The following URM1 variants were observed in gnomAD, a reference collection of about 807,000 sequenced individuals.
URM1 encodes ubiquitin related modifier 1.
A neutral mutation model predicts 17.7 loss-of-function variants in URM1; 11 were observed. The ratio of observed to expected loss-of-function variants is 0.62; its 90% confidence interval spans 0.39 to 1.03. The LOEUF is 1.03. URM1 is among the 50% of genes least tolerant of loss of function. The pLI, the probability that URM1 is intolerant of heterozygous loss-of-function variation, is 0.00. For missense variants in URM1, 128 were observed against 129.2 expected (o/e 0.99, Z 0.04); for synonymous variants, 48 against 50.6 (o/e 0.95, Z 0.22).
At chr9:128,380,634 C>T (rs1427434733) in intron 2 of URM1, among the ~76,000 whole-genome samples, 7 of 147,600 alleles carry the variant, frequency 4.7e-5, no homozygotes, top group Non-Finnish European at 7.5e-5. Context: ...TTTTTTTTTT[C>T]TTTTCTTTTT....
At chr9:128,371,486 C>T in intron 1 of URM1, 71 bp downstream of exon 1, 4 of 1,528,644 alleles carry the variant, frequency 2.6e-6, no homozygotes, top group South Asian at 1.2e-5. Flanking sequence ...TTCCTTCTGC[C>T]GTGGGGCCTG....
chr9:128,388,331 C>G, intron 3 of URM1: 3 of 1,001,988 alleles, frequency 3.0e-6, no homozygotes, highest in Non-Finnish European at 3.6e-6. Context: ...CAGCACGGGT[C>G]TAGAATTCCA....
chr9:128,388,225 A>G (rs1410988621), intron 3 of URM1: 1 of 1,161,238 alleles, frequency 8.6e-7, no homozygotes, highest in Admixed American at 4.2e-5. Context: ...AGTGCTGAGG[A>G]AAAAACGTAG....
chr9:128,391,160 A>T lies in URM1; in HGVS notation c.*1426A>T, dbSNP rs1833308766. On this transcript the variant is annotated 3_prime_UTR_variant, in exon 5 of 5. Transcript: ENST00000372853. ...GTGCTAACATCCCACCAAAAGCATC[A>T]TCCCACCCAAAATGTTGCTTTTCAT... 6.6e-6 allele frequency: 1 copy of T among 152,264 alleles called. No homozygotes were observed. 9.4% of individuals were successfully genotyped at this position (152,264 alleles called of 1,614,324 possible). A position where few individuals can be genotyped will look rare whatever the true frequency, so the allele number is the denominator to read the frequency against.
intron 2 of URM1, among the ~76,000 whole-genome samples, chr9:128,380,818 T>G (rs1234821374): frequency 2.0e-5 from 3 of 151,684 alleles, no homozygotes; most frequent in East Asian, 3.9e-4. Context: ...GTATGTTTTT[T>G]TTTGTTTGTT....
At chr9:128,388,356 C>T (rs975844787) in intron 3 of URM1, 1 of 996,340 alleles carries the variant, frequency 1.0e-6, no homozygotes, top group Non-Finnish European at 1.2e-6. Context: ...GTCATTGACT[C>T]TGTGCGTGCA....
rs78533174 is a variant in URM1 at position 128,389,539 on chromosome 9, A to G, written c.238-127A>G. 783 of 1,547,978 alleles carry G rather than the reference A, an allele frequency of 5.1e-4. 4 individuals are homozygous for G. In the African/African-American group the frequency reaches 9.9e-3, roughly 20 times the overall value. ...AGATTTGCAGGTTGAGGTATAGGAT[A>G]CCCATTTTTCTGGTAGAGTCTGTCT... On this transcript the variant is annotated intron_variant, in intron 4 of 4. Transcript: ENST00000372853.
At chr9:128,388,253 C>A in intron 3 of URM1, 1 of 1,105,034 alleles carries the variant, frequency 9.0e-7, no homozygotes, top group South Asian at 3.1e-5. Context: ...AACTGAAGAG[C>A]TAAATATTCT....
chr9:128,381,936 C>A (rs1395487959), intron 2 of URM1, among the ~76,000 whole-genome samples: 1 of 152,148 alleles, frequency 6.6e-6, no homozygotes, highest in East Asian at 1.9e-4. Context: ...TTCATGAGTT[C>A]AACAACTACT....
intron 4 of URM1, 103 bp from the exon 5 acceptor site, chr9:128,389,563 C>G: frequency 6.4e-7 from 1 of 1,569,586 alleles, no homozygotes; most frequent in Non-Finnish European, 8.6e-7. Context: ...TAGAGTCTGT[C>G]TCTTCCAGAG....
At chr9:128,376,021 G>T (rs1833071912) in intron 1 of URM1, among the ~76,000 whole-genome samples, 1 of 152,102 alleles carries the variant, frequency 6.6e-6, no homozygotes, top group African/African-American at 2.4e-5. Flanking sequence ...GAAGGCAGAG[G>T]AGTAAAAACA....
intron 1 of URM1, among the ~76,000 whole-genome samples, chr9:128,376,872 G>GCTGCTTGGGGGT (rs1833085390): frequency 6.6e-6 from 1 of 152,026 alleles, no homozygotes; most frequent in African/African-American, 2.4e-5. Flanking sequence ...TGTAGTCCCA[G>GCTGCTTGGGGGT]CTGCTTGGGG....
intron 2 of URM1, among the ~76,000 whole-genome samples, chr9:128,381,700 A>G (rs995995474): frequency 1.3e-5 from 2 of 151,928 alleles, no homozygotes; most frequent in Non-Finnish European, 2.9e-5. Flanking sequence ...ACAAAAAACA[A>G]AACAAATAAA....
intron 3 of URM1, chr9:128,388,984 C>T (rs1833266456): frequency 7.8e-7 from 1 of 1,275,516 alleles, no homozygotes; most frequent in Non-Finnish European, 9.9e-7. Flanking sequence ...GATGAGGAAC[C>T]TGATACTCAG....
chr9:128,382,769 C>T (rs1464364083), intron 2 of URM1, among the ~76,000 whole-genome samples: 1 of 152,132 alleles, frequency 6.6e-6, no homozygotes, highest in East Asian at 1.9e-4. Flanking sequence ...ATATACAATT[C>T]GGTGAAGCAG....
At chr9:128,379,611 A>C (rs1833131208) in intron 2 of URM1, among the ~76,000 whole-genome samples, 1 of 152,196 alleles carries the variant, frequency 6.6e-6, no homozygotes. Flanking sequence ...TAGCCTGGCC[A>C]AGATGGTGAA....
At chr9:128,389,099 A>G in intron 3 of URM1, 162 bp from the exon 4 acceptor site, 1 of 1,431,812 alleles carries the variant, frequency 7.0e-7, no homozygotes. Flanking sequence ...GGTTTCCTTC[A>G]CACTCAGACC....
chr9:128,380,639 CTT>C (rs112510172), intron 2 of URM1, among the ~76,000 whole-genome samples: 12 of 137,620 alleles, frequency 8.7e-5, no homozygotes, highest in Non-Finnish European at 9.6e-5. Context: ...TTTTTCTTTT[CTT>C]TTTTTTTTTT....
chr9:128,371,350 G>A (rs1833008777), upstream of URM1: 2 of 1,612,368 alleles, frequency 1.2e-6, no homozygotes, highest in Non-Finnish European at 1.7e-6. Flanking sequence ...GGAAGTTGAG[G>A]GGAGTTTCCT....
Sources: allele counts gnomAD v4.1 joint callset (sites outside exome capture counted in the v4.1 genomes callset), GRCh38; gene constraint gnomAD v4.1.1; transcripts MANE v1.5; gene names NCBI Gene and HGNC (gene_info 2026-07-23, HGNC 2026-07-21).